The following DOT1L variants were observed in gnomAD, a reference collection of about 807,000 sequenced individuals.
DOT1L encodes DOT1 like histone lysine methyltransferase, also known as histone-lysine N-methyltransferase, H3 lysine-79 specific.
Under a neutral mutation model 153.3 loss-of-function variants are expected in DOT1L, and 33 were observed. The ratio of observed to expected loss-of-function variants is 0.22; its 90% CI spans 0.16 to 0.29. The LOEUF (loss-of-function observed/expected upper bound fraction) is 0.29. Among genes scored for constraint, DOT1L ranks in the 10% least tolerant of loss-of-function variants. DOT1L has a pLI of 1.00. For synonymous variants in DOT1L, 1,135 were observed against 965.1 expected (o/e 1.18, Z -3.26); for missense variants, 1,847 against 2,119.9 (o/e 0.87, Z 2.53).
In DOT1L at chr19:2,207,151, C is replaced by T. The variant is rs762097574; in HGVS notation, c.856+354C>T. Among the ~76,000 whole-genome samples the T allele has an allele frequency of 6.6e-6, 1 of 152,220 alleles. No individual in the cohort carries two copies. Among genetic ancestry groups the T allele is most frequent in the Non-Finnish European group, 1.5e-5 (1 of 68,030 alleles). On this transcript the variant is annotated intron_variant, in intron 10 of 27. Coordinates refer to ENST00000398665, the MANE Select transcript of DOT1L (RefSeq NM_032482.3). The surrounding 1 kb of genome is among the most constrained non-coding windows in gnomAD (Gnocchi z 4.5). Reference sequence around the variant, plus strand: ...TGGGAAGGAGCCGGCCCCTCCCATGCCCCCTGCCTGCCTTACTGTGCTGCG... The same window carrying T: ...TGGGAAGGAGCCGGCCCCTCCCATGTCCCCTGCCTGCCTTACTGTGCTGCG...
At chr19:2,211,261 C>T in intron 15 of DOT1L, 49 bp downstream of exon 15, 1 of 1,489,562 alleles carries the variant, frequency 6.7e-7, no homozygotes, top group Non-Finnish European at 9.1e-7. Context: ...TTGGGGTCAT[C>T]CCAGGAGGAC....
At position 2,232,319 on chromosome 19, in the gene DOT1L, C is replaced by T. The variant is rs2024638302; in HGVS notation, c.*2527C>T. 1 of 216,558 alleles carries T rather than the reference C, an allele frequency of 4.6e-6. No homozygotes were observed. Among genetic ancestry groups the T allele is most frequent in the Non-Finnish European group, 9.3e-6 (1 of 107,812 alleles). The allele number at this position is 216,558 out of a possible 1,614,324, so 13.4% of individuals were successfully genotyped here. A position where few individuals can be genotyped will look rare whatever the true frequency, so the allele number is the denominator to read the frequency against. The stretch of plus-strand genomic sequence containing the variant: ...TGCCCCCAGGATGCGTCAGTCTGTT[C>T]AGTGGTCAGCAGGCCCCCCACCCCC... On this transcript the variant is annotated 3_prime_UTR_variant, in exon 28 of 28. Transcript: ENST00000398665.
chr19:2,229,934 G>A lies in DOT1L; in HGVS notation c.*142G>A. 7.0e-7 allele frequency: 1 copy of A among 1,429,912 alleles called. No homozygotes were observed. Among genetic ancestry groups the A allele is most frequent in the Non-Finnish European group, 9.7e-7 (1 of 1,028,686 alleles). 88.6% of individuals were successfully genotyped at this position (1,429,912 alleles called of 1,614,324 possible). The stretch of plus-strand genomic sequence containing the variant: ...ACGGGAGCTCCACTGTGAATCGGCG[G>A]CACGCGCCGCAGGAGGCTGGGACTG... On this transcript the variant is annotated 3_prime_UTR_variant, in exon 28 of 28. Coordinates refer to ENST00000398665, the MANE Select transcript of DOT1L (RefSeq NM_032482.3).
intron 1 of DOT1L, among the ~76,000 whole-genome samples, chr19:2,166,754 G>A (rs888825243): frequency 2.6e-5 from 4 of 152,180 alleles, no homozygotes; most frequent in South Asian, 2.1e-4. Context: ...CACCTAGGGC[G>A]TAGTTCGCTG....
chr19:2,171,492 G>T (rs568716569), intron 1 of DOT1L, among the ~76,000 whole-genome samples: 3 of 152,296 alleles, frequency 2.0e-5, no homozygotes, highest in Admixed American at 6.5e-5. Context: ...GTCACCACCG[G>T]GGTGGGGGAA....
intron 3 of DOT1L, among the ~76,000 whole-genome samples, chr19:2,186,196 A>G (rs1390241378): frequency 1.3e-5 from 2 of 152,252 alleles, no homozygotes; most frequent in Non-Finnish European, 2.9e-5. Context: ...CGCGCTAGTG[A>G]TCGCTCTTTT....
intron 27 of DOT1L, chr19:2,228,459 G>A (rs548584778): frequency 8.2e-7 from 1 of 1,219,006 alleles, no homozygotes; most frequent in Admixed American, 3.2e-5. Flanking sequence ...ACGGCCACAG[G>A]GCTCGGCAGA....
At position 2,223,395 on chromosome 19, in the gene DOT1L, G is replaced by C. The variant is rs1330456675; in HGVS notation, c.3505G>C (p.Glu1169Gln). The stretch of plus-strand genomic sequence containing the variant: ...CGACCAGCCCCCCGTGCTCAAGAAG[G>C]AGCGGCCTCTGAGCCAGACCAATGG... ...DHDQPPVLKK[E>Q]RPLSQTNGAH... is the part of the protein sequence containing the mutation. The change falls in exon 25 of 28, where the codon GAG becomes CAG. Residue 1169 changes from glutamate (E) to glutamine (Q), a missense_variant. By Grantham distance (29) the Glu-to-Gln change is conservative (BLOSUM62 2). Around this residue, in one of 8 missense-constraint regions of DOT1L, gnomAD observed 934 missense variants for 825.3 expected, o/e 1.13. Transcript: ENST00000398665. The C allele has an allele frequency of 1.2e-6, 2 of 1,613,670 alleles. No homozygotes were observed. Among genetic ancestry groups the C allele is most frequent in the Non-Finnish European group, 1.7e-6 (2 of 1,179,988 alleles).
chr19:2,228,244 C>T (rs2024449629), intron 27 of DOT1L: 1 of 1,362,496 alleles, frequency 7.3e-7, no homozygotes, highest in African/African-American at 1.5e-5. Context: ...CAGGCCGCGC[C>T]CGGGATCCCA....
Position 2,164,914 on chromosome 19 carries a change from G to C in DOT1L, c.81+649G>C, listed in dbSNP as rs2019851027. ...TTGGGGACAGGCTTTATTTATCCTT[G>C]GAAATTGGGACTTCTCCCCGATCTT... On this transcript the variant is annotated intron_variant, in intron 1 of 27. Coordinates refer to ENST00000398665, the MANE Select transcript of DOT1L (RefSeq NM_032482.3). Among the ~76,000 whole-genome samples, 3 of 152,202 alleles carry C rather than the reference G, an allele frequency of 2.0e-5. No homozygotes were observed. In the South Asian group the frequency reaches 6.2e-4, roughly 32 times the overall value.
At chr19:2,228,183 C>G in intron 27 of DOT1L, 3 of 1,365,342 alleles carry the variant, frequency 2.2e-6, no homozygotes, top group Non-Finnish European at 2.9e-6. Flanking sequence ...CAAGGGCGCC[C>G]GCCCCTCCTT....
At position 2,211,856 on chromosome 19, in the gene DOT1L, C is replaced by A. The variant is rs923619201; in HGVS notation, c.1557+14C>A. On this transcript the variant is annotated intron_variant, in intron 16 of 27. Coordinates refer to ENST00000398665, the MANE Select transcript of DOT1L (RefSeq NM_032482.3). ...GGCCAGGAGAAGGTGGGTCCTGGCC[C>A]CCTTGGCATTCCGCCTTCCCGCACA... is the stretch of plus-strand genomic sequence containing the variant. The A allele has an allele frequency of 4.5e-6, 7 of 1,553,662 alleles. No individual in the cohort carries two copies. Among genetic ancestry groups the A allele is most frequent in the Non-Finnish European group, 6.1e-6 (7 of 1,149,112 alleles).
In DOT1L at chr19:2,204,429, C is replaced by T. The variant is rs182074442; in HGVS notation, c.787+1650C>T. Among the ~76,000 whole-genome samples the T allele has an allele frequency of 7.2e-4, 110 of 152,232 alleles. No individual in the cohort carries two copies. Among genetic ancestry groups the T allele is most frequent in the African/African-American group, 2.5e-3 (102 of 41,522 alleles). On this transcript the variant is annotated intron_variant, in intron 9 of 27. Coordinates refer to ENST00000398665, the MANE Select transcript of DOT1L (RefSeq NM_032482.3). The surrounding 1 kb of genome is among the most constrained non-coding windows in gnomAD (Gnocchi z 5.7). ...ACCACGTGAGGACACCATGCTTCCCCGCCCAGTCGCCCCCACACCCCAGCA... is the reference window on the plus strand; with the variant it reads ...ACCACGTGAGGACACCATGCTTCCCTGCCCAGTCGCCCCCACACCCCAGCA...
chr19:2,228,431 C>T (rs1276215696), intron 27 of DOT1L: 55 of 1,236,202 alleles, frequency 4.4e-5, no homozygotes, highest in Middle Eastern at 2.5e-4. Flanking sequence ...CTGAACTGTC[C>T]TTCCTTTGGC....
chr19:2,188,696 C>T (rs181868601), intron 3 of DOT1L, among the ~76,000 whole-genome samples: 1 of 152,346 alleles, frequency 6.6e-6, no homozygotes, highest in Admixed American at 6.5e-5. Context: ...CTCCTCCTGT[C>T]TCTTGCTCTG....
At chr19:2,180,871 G>A in intron 2 of DOT1L, 115 bp downstream of exon 2, 1 of 1,284,930 alleles carries the variant, frequency 7.8e-7, no homozygotes, top group African/African-American at 1.5e-5. Context: ...ACTCCTGGAG[G>A]TGTTGTGAAG....
Position 2,191,002 on chromosome 19 carries a change from C to T in DOT1L, c.265-10C>T, listed in dbSNP as rs1165503135. 2.3e-5 allele frequency: 37 copies of T among 1,586,718 alleles called. No individual in the cohort carries two copies. The highest frequency in any genetic ancestry group is 3.1e-5 in the Non-Finnish European group (36 of 1,170,040). ...TTATGTGACATGGCCGGGCCACCCT[C>T]CGTCCGCAGTGGAAGGGCACCACGC... On this transcript the variant is annotated splice_polypyrimidine_tract_variant and intron_variant, in intron 4 of 27. Transcript: ENST00000398665. This position sits in a 1 kb window ranked among gnomAD's most constrained non-coding sequence, Gnocchi z 6.8.
rs1364393477 is a variant in DOT1L, at chr19:2,208,584, G to A, written c.964-351G>A. ...CAGCTGCCCTGGCACTGACGCCCTC[G>A]GCGCAGCCTCTCGCCTTCTCCTCTG... On this transcript the variant is annotated intron_variant, in intron 11 of 27. Transcript: ENST00000398665. The surrounding 1 kb of genome is among the most constrained non-coding windows in gnomAD (Gnocchi z 4.4). Among the ~76,000 whole-genome samples the A allele has an allele frequency of 6.6e-6, 1 of 152,124 alleles. No homozygotes were observed. Among genetic ancestry groups the A allele is most frequent in the Non-Finnish European group, 1.5e-5 (1 of 68,016 alleles).
intron 26 of DOT1L, among the ~76,000 whole-genome samples, 160 bp downstream of exon 26, chr19:2,225,612 C>T (rs1225155059): frequency 6.6e-6 from 1 of 152,090 alleles, no homozygotes; most frequent in Non-Finnish European, 1.5e-5. Flanking sequence ...GCGTCGTGTC[C>T]TGCGTGGGCG....
Sources: allele counts gnomAD v4.1 joint callset (sites outside exome capture counted in the v4.1 genomes callset), GRCh38; gene constraint gnomAD v4.1.1; regional missense constraint gnomAD v4.1.1; non-coding constraint Gnocchi (gnomAD v3.1); transcripts MANE v1.5; gene names NCBI Gene and HGNC (gene_info 2026-07-23, HGNC 2026-07-21).